The following MDGA2 variants were observed in gnomAD, a reference collection of about 807,000 sequenced individuals.
The protein encoded by MDGA2 is MAM domain containing glycosylphosphatidylinositol anchor 2.
MDGA2 carries 40 observed loss-of-function variants against 117.8 expected under a neutral mutation model. That is an observed-to-expected ratio of 0.34 (90% CI 0.26 to 0.44). The LOEUF (loss-of-function observed/expected upper bound fraction) is 0.44. Ranked by LOEUF, MDGA2 falls within the 20% of genes least tolerant of loss-of-function variation. The pLI, the probability that MDGA2 is intolerant of heterozygous loss-of-function variation, is 1.00. For missense variants in MDGA2, 1,123 were observed against 1,250.6 expected (o/e 0.90, Z 1.54); for synonymous variants, 452 against 439.0 (o/e 1.03, Z -0.37).
chr14:47,115,629 A>G (rs1186211818), intron 5 of MDGA2, among the ~76,000 whole-genome samples: 1 of 152,092 alleles, frequency 6.6e-6, no homozygotes. Flanking sequence ...GTATCATTCA[A>G]CATAAGAAAA....
At chr14:47,534,908 C>T (rs1207364508) in intron 1 of MDGA2, among the ~76,000 whole-genome samples, 1 of 152,144 alleles carries the variant, frequency 6.6e-6, no homozygotes, top group Middle Eastern at 3.2e-3. Flanking sequence ...CTCACAGATC[C>T]GTTTGGACAC....
At chr14:47,379,150 A>G (rs1386973164) in intron 1 of MDGA2, among the ~76,000 whole-genome samples, 1 of 152,204 alleles carries the variant, frequency 6.6e-6, no homozygotes, top group Non-Finnish European at 1.5e-5. Flanking sequence ...AAAATCCTTT[A>G]CAGACAAGCA....
intron 1 of MDGA2, among the ~76,000 whole-genome samples, chr14:47,617,275 G>A (rs1040058964): frequency 9.3e-5 from 14 of 150,606 alleles, no homozygotes; most frequent in African/African-American, 2.9e-4. Flanking sequence ...GCCCAATTTC[G>A]GCTCACTGCA....
chr14:47,522,762 A>G (rs1038979377), intron 1 of MDGA2, among the ~76,000 whole-genome samples: 2 of 152,218 alleles, frequency 1.3e-5, no homozygotes, highest in Non-Finnish European at 2.9e-5. Flanking sequence ...CATTATTCTC[A>G]TACAGTACTT....
intron 1 of MDGA2, among the ~76,000 whole-genome samples, chr14:47,474,052 C>A (rs1212138192): frequency 6.6e-6 from 1 of 152,128 alleles, no homozygotes; most frequent in Non-Finnish European, 1.5e-5. Context: ...TATTTGTTTG[C>A]AGATGACACG....
At chr14:47,608,450 C>T (rs868354139) in intron 1 of MDGA2, among the ~76,000 whole-genome samples, 4 of 151,898 alleles carry the variant, frequency 2.6e-5, no homozygotes, top group Non-Finnish European at 4.4e-5. Context: ...AAGTGAGGCT[C>T]GTAGGGAAGA....
At chr14:46,872,373 T>C (rs916185445) in intron 14 of MDGA2, among the ~76,000 whole-genome samples, 2 of 151,962 alleles carry the variant, frequency 1.3e-5, no homozygotes, top group Non-Finnish European at 2.9e-5. Context: ...TGTGCTAATC[T>C]CTGCGTATTG....
intron 1 of MDGA2, among the ~76,000 whole-genome samples, chr14:47,320,623 C>T (rs1594794219): frequency 1.3e-5 from 2 of 152,154 alleles, no homozygotes; most frequent in East Asian, 3.9e-4. Flanking sequence ...CCCTTCCTTT[C>T]TTCCTTTGAA....
intron 3 of MDGA2, among the ~76,000 whole-genome samples, chr14:47,149,967 T>A (rs1293409097): frequency 3.3e-5 from 5 of 152,198 alleles, no homozygotes. Context: ...CTTTTTCCTG[T>A]CTTAGAAGCC....
intron 16 of MDGA2, among the ~76,000 whole-genome samples, chr14:46,844,899 T>C (rs1035274573): frequency 1.7e-4 from 26 of 152,110 alleles, no homozygotes; most frequent in Admixed American, 3.9e-4. Context: ...ATTATGTTTT[T>C]GAGACAGACT....
intron 7 of MDGA2, among the ~76,000 whole-genome samples, chr14:47,042,308 C>A (rs1459272862): frequency 9.6e-6 from 1 of 104,566 alleles, no homozygotes; most frequent in Non-Finnish European, 1.9e-5. Context: ...TGAACCAAAT[C>A]TATGTTTTTT....
intron 1 of MDGA2, among the ~76,000 whole-genome samples, chr14:47,345,270 C>T (rs74594539): frequency 0.041 from 6,162 of 152,036 alleles, 308 homozygotes; most frequent in East Asian, 0.13. Flanking sequence ...ATGCCCCAAC[C>T]GGAAACAAAG....
At chr14:47,357,337 A>T (rs1422349251) in intron 1 of MDGA2, among the ~76,000 whole-genome samples, 1 of 152,192 alleles carries the variant, frequency 6.6e-6, no homozygotes, top group Admixed American at 6.5e-5. Context: ...CCCTAAAAAA[A>T]TTTCACCCTA....
At chr14:47,026,273 TTCTC>T (rs1239105213) in intron 8 of MDGA2, among the ~76,000 whole-genome samples, 7 of 152,200 alleles carry the variant, frequency 4.6e-5, no homozygotes, top group Non-Finnish European at 1.0e-4. Flanking sequence ...AGTTATGTCT[TTCTC>T]TCAAATACTG....
intron 9 of MDGA2, among the ~76,000 whole-genome samples, chr14:46,953,128 T>A (rs149087719): frequency 6.6e-6 from 1 of 151,946 alleles, no homozygotes. Flanking sequence ...TCAGAGAAAG[T>A]TTTTATTGTT....
At chr14:47,098,920 A>C (rs1402717062) in intron 5 of MDGA2, among the ~76,000 whole-genome samples, 5 of 151,934 alleles carry the variant, frequency 3.3e-5, no homozygotes, top group Admixed American at 3.3e-4. Flanking sequence ...ATTTAATGCA[A>C]AAAAGCTTAA....
At chr14:46,968,198 T>C (rs2138315512) in intron 8 of MDGA2, among the ~76,000 whole-genome samples, 1 of 152,270 alleles carries the variant, frequency 6.6e-6, no homozygotes, top group African/African-American at 2.4e-5. Context: ...ATCTCCCTGA[T>C]GCTGATGCTG....
rs557208966 is a variant in MDGA2 at position 47,385,473 on chromosome 14, A to G, written c.281-83923T>C. On this transcript the variant is annotated intron_variant, in intron 1 of 16. Coordinates refer to ENST00000399232, the MANE Select transcript of MDGA2 (RefSeq NM_001113498.3). ...AATAAAAATTGAAACACAATCATAA[A>G]TATTTTCAAGAATGGCAAATAGGAC... 2.6e-5 allele frequency among the ~76,000 whole-genome samples: 4 copies of G among 152,298 alleles called. No individual in the cohort carries two copies. The East Asian group carries it at 7.7e-4, about 29-fold the overall frequency.
intron 1 of MDGA2, among the ~76,000 whole-genome samples, chr14:47,363,484 C>T (rs1224699540): frequency 6.6e-6 from 1 of 152,000 alleles, no homozygotes; most frequent in Non-Finnish European, 1.5e-5. Flanking sequence ...TCATGAACTC[C>T]GGACCTCAAG....
Sources: gnomAD v4.1 joint callset for allele counts (sites outside exome capture counted in the v4.1 genomes callset) on GRCh38, gnomAD v4.1.1 for gene constraint, MANE v1.5 for transcripts, NCBI Gene and HGNC (gene_info 2026-07-23, HGNC 2026-07-21) for gene names.